GRB14: variants seen among roughly 807,000 people sequenced by gnomAD.
The protein encoded by GRB14 is growth factor receptor-bound protein 14.
In GRB14, 38 loss-of-function variants were observed where a neutral mutation model predicts 69.1. That is an observed-to-expected ratio of 0.55 (90% CI 0.42 to 0.72). The LOEUF (loss-of-function observed/expected upper bound fraction) is 0.72. GRB14 is among the 30% of genes least tolerant of loss of function. The pLI, the probability that GRB14 is intolerant of heterozygous loss-of-function variation, is 0.00. For synonymous variants in GRB14, 247 were observed against 241.3 expected, an observed-to-expected ratio of 1.02 and a Z score of -0.22; for missense variants, 666 against 666.1, an observed-to-expected ratio of 1.00 and a Z score of 0.00.
intron 6 of GRB14, among the ~76,000 whole-genome samples, chr2:164,519,292 T>C (rs918733914): frequency 6.6e-6 from 1 of 151,210 alleles, no homozygotes; most frequent in Non-Finnish European, 1.5e-5. Context: ...CTCAATAGCG[T>C]TAGTCAAAAT....
chr2:164,596,707 GT>G (rs1206655714), intron 2 of GRB14, among the ~76,000 whole-genome samples: 1 of 152,136 alleles, frequency 6.6e-6, no homozygotes, highest in Non-Finnish European at 1.5e-5. Flanking sequence ...GGAATAATAT[GT>G]TCTTCAACTT....
intron 2 of GRB14, among the ~76,000 whole-genome samples, chr2:164,569,497 G>C (rs1199743118): frequency 1.3e-5 from 2 of 152,176 alleles, no homozygotes; most frequent in African/African-American, 2.4e-5. Flanking sequence ...CCTTCAGCGG[G>C]AGAAGAACTG....
At chr2:164,606,047 G>A (rs141078835) in intron 2 of GRB14, among the ~76,000 whole-genome samples, 62 of 152,268 alleles carry the variant, frequency 4.1e-4, no homozygotes, top group African/African-American at 1.4e-3. Flanking sequence ...TGCACATTAT[G>A]TATTCTACTC....
chr2:164,522,099 T>C lies in GRB14; in HGVS notation c.697A>G (p.Thr233Ala). The change falls in exon 6 of 14, where the codon ACA becomes GCA. Residue 233 changes from threonine (T) to alanine (A), a missense_variant. Coordinates refer to ENST00000263915, the MANE Select transcript of GRB14 (RefSeq NM_004490.3). The part of the protein sequence containing the change: ...QILQMFLSSS[T>A]YPEIHGFLHA... The stretch of plus-strand genomic sequence containing the variant: ...AAGAAACCATGAATTTCAGGATATG[T>C]GCTTGAACTCAGAAACATCTGAAAG... 6.3e-7 allele frequency: 1 copy of C among 1,583,876 alleles called. No homozygotes were observed. Among genetic ancestry groups the C allele is most frequent in the Non-Finnish European group, 8.6e-7 (1 of 1,164,230 alleles).
intron 2 of GRB14, among the ~76,000 whole-genome samples, chr2:164,562,562 A>G (rs1028016468): frequency 2.6e-5 from 4 of 152,234 alleles, no homozygotes; most frequent in Non-Finnish European, 5.9e-5. Context: ...TAGGGCACGG[A>G]AAGTTTAAAT....
chr2:164,524,928 G>T, intron 5 of GRB14, 76 bp downstream of exon 5: 1 of 758,848 alleles, frequency 1.3e-6, no homozygotes, highest in Non-Finnish European at 2.1e-6. Flanking sequence ...CAAAATCTGG[G>T]CATGTATAAA....
chr2:164,502,132 CAA>C (rs1277658892), intron 9 of GRB14, 121 bp downstream of exon 9: 4 of 538,012 alleles, frequency 7.4e-6, no homozygotes, highest in Non-Finnish European at 1.4e-5. Context: ...AGAATGGTGC[CAA>C]AGAGTTACTT....
At chr2:164,513,087 C>T (rs1380584632) in intron 6 of GRB14, among the ~76,000 whole-genome samples, 1 of 152,118 alleles carries the variant, frequency 6.6e-6, no homozygotes, top group African/African-American at 2.4e-5. Context: ...TGTGGCCCCT[C>T]TCTCTCTACT....
At chr2:164,549,627 T>C (rs185400737) in intron 2 of GRB14, among the ~76,000 whole-genome samples, 6 of 151,958 alleles carry the variant, frequency 3.9e-5, no homozygotes, top group Middle Eastern at 6.8e-3. Context: ...CTTTGGGAGG[T>C]TTAGGCAGGC....
intron 6 of GRB14, among the ~76,000 whole-genome samples, chr2:164,515,944 A>G (rs1161306375): frequency 1.3e-5 from 2 of 152,028 alleles, no homozygotes; most frequent in African/African-American, 4.8e-5. Context: ...AGTTTCAACA[A>G]TAGAATCAAA....
At chr2:164,603,995 C>T (rs1689988039) in intron 2 of GRB14, among the ~76,000 whole-genome samples, 1 of 152,164 alleles carries the variant, frequency 6.6e-6, no homozygotes, top group Admixed American at 6.5e-5. Flanking sequence ...TAAAAAGATG[C>T]TCAACCTTAC....
At chr2:164,607,871 T>C (rs927312816) in intron 2 of GRB14, among the ~76,000 whole-genome samples, 2 of 152,194 alleles carry the variant, frequency 1.3e-5, no homozygotes, top group Non-Finnish European at 2.9e-5. Context: ...TTCTGCATGA[T>C]TGCTTTCCAA....
chr2:164,567,296 GA>G (rs1437813308), intron 2 of GRB14, among the ~76,000 whole-genome samples: 1 of 152,048 alleles, frequency 6.6e-6, no homozygotes, highest in Non-Finnish European at 1.5e-5. Flanking sequence ...GACTGGATAA[GA>G]AAATAAGCTG....
chr2:164,551,119 A>T (rs572967474), intron 2 of GRB14, among the ~76,000 whole-genome samples: 1 of 152,316 alleles, frequency 6.6e-6, no homozygotes, highest in East Asian at 1.9e-4. Flanking sequence ...TCTTTTTAAA[A>T]TTTTTATTTT....
At chr2:164,596,866 T>C (rs1271272487) in intron 2 of GRB14, among the ~76,000 whole-genome samples, 1 of 152,144 alleles carries the variant, frequency 6.6e-6, no homozygotes, top group Non-Finnish European at 1.5e-5. Flanking sequence ...TGATTCTGTT[T>C]GAGTAAAGAA....
intron 2 of GRB14, among the ~76,000 whole-genome samples, chr2:164,606,040 A>G (rs765714392): frequency 3.5e-4 from 54 of 152,230 alleles, no homozygotes; most frequent in Non-Finnish European, 7.2e-4. Flanking sequence ...AAATTCATGC[A>G]CATTATGTAT....
chr2:164,517,989 G>A (rs192440151), intron 6 of GRB14, among the ~76,000 whole-genome samples: 94 of 152,078 alleles, frequency 6.2e-4, no homozygotes, highest in African/African-American at 2.2e-3. Flanking sequence ...AAGAAACAGT[G>A]GATTTAAACC....
At chr2:164,526,276 A>C (rs1687771858) in intron 4 of GRB14, among the ~76,000 whole-genome samples, 1 of 152,074 alleles carries the variant, frequency 6.6e-6, no homozygotes, top group African/African-American at 2.4e-5. Context: ...TTATCATCCA[A>C]AACTTAGTGT....
At chr2:164,551,233 G>A (rs2105313663) in intron 2 of GRB14, among the ~76,000 whole-genome samples, 1 of 152,262 alleles carries the variant, frequency 6.6e-6, no homozygotes, top group East Asian at 1.9e-4. Context: ...TAACAGATGA[G>A]CATGTGACTT....
Sources: gnomAD v4.1 joint callset for allele counts (sites outside exome capture counted in the v4.1 genomes callset) on GRCh38, gnomAD v4.1.1 for gene constraint, MANE v1.5 for transcripts, NCBI Gene and HGNC (gene_info 2026-07-23, HGNC 2026-07-21) for gene names.